The following L2HGDH variants were observed in gnomAD, a reference collection of about 807,000 sequenced individuals.
L2HGDH encodes the protein L-2-hydroxyglutarate dehydrogenase, mitochondrial.
Under a neutral mutation model 51.5 loss-of-function variants are expected in L2HGDH, and 34 were observed. That is an observed-to-expected ratio of 0.66 (90% confidence interval 0.50 to 0.88). The LOEUF is 0.88. Among genes scored for constraint, L2HGDH ranks in the 40% least tolerant of loss-of-function variants. The probability of loss-of-function intolerance (pLI) is 0.00; values close to 1 mark genes in which losing one functional copy is unlikely to be tolerated. For missense variants in L2HGDH, 558 were observed against 571.9 expected, an observed-to-expected ratio of 0.98 and a Z score of 0.25; for synonymous variants, 198 against 197.9, an observed-to-expected ratio of 1.00 and a Z score of -0.01.
chr14:50,288,297 T>A (rs574065291), intron 4 of L2HGDH, among the ~76,000 whole-genome samples: 18 of 152,316 alleles, frequency 1.2e-4, no homozygotes, highest in Middle Eastern at 6.8e-3. Context: ...GCATTGAGCT[T>A]CTGTATTAGA....
intron 9 of L2HGDH, among the ~76,000 whole-genome samples, chr14:50,255,540 AAAAAAAAAAAAAAG>A (rs1221474174): frequency 6.7e-6 from 1 of 149,794 alleles, no homozygotes; most frequent in East Asian, 1.9e-4. Flanking sequence ...CCATCTCCAA[AAAAAAAAAAAAAAG>A]AAAAGAAAAA....
chr14:50,265,170 G>C (rs1417050054), intron 9 of L2HGDH, among the ~76,000 whole-genome samples, 188 bp downstream of exon 9: 1 of 152,218 alleles, frequency 6.6e-6, no homozygotes, highest in Non-Finnish European at 1.5e-5. Context: ...TAAGGGCCAT[G>C]ATGTAGCAAT....
rs1366931802 is a variant in L2HGDH at position 50,290,429 on chromosome 14, C to T, written c.540+3686G>A. Among the ~76,000 whole-genome samples, 9 of 152,150 alleles carry T rather than the reference C, an allele frequency of 5.9e-5. No individual in the cohort carries two copies. The East Asian group carries it at 1.7e-3, about 29-fold the overall frequency. ...TTTGATTAAATTTCCTAAATTAGTACCTTTTGCCTGTCAGCATTCTGCTCA... is the reference window on the plus strand; with the variant it reads ...TTTGATTAAATTTCCTAAATTAGTATCTTTTGCCTGTCAGCATTCTGCTCA... On this transcript the variant is annotated intron_variant, in intron 4 of 9. Transcript: ENST00000267436.
At chr14:50,291,215 A>C (rs1324958650) in intron 4 of L2HGDH, among the ~76,000 whole-genome samples, 6 of 150,574 alleles carry the variant, frequency 4.0e-5, no homozygotes, top group African/African-American at 7.4e-5. Flanking sequence ...AAAAAAAAAA[A>C]AAAAAAAAAC....
intron 1 of L2HGDH, among the ~76,000 whole-genome samples, chr14:50,305,173 G>C (rs532917538): frequency 3.3e-5 from 5 of 152,272 alleles, no homozygotes; most frequent in African/African-American, 1.2e-4. Flanking sequence ...AGTGGATAAA[G>C]TTCCCTCTGT....
At chr14:50,275,150 A>G (rs1666127554) in intron 6 of L2HGDH, among the ~76,000 whole-genome samples, 1 of 152,132 alleles carries the variant, frequency 6.6e-6, no homozygotes, top group African/African-American at 2.4e-5. Flanking sequence ...ATAAATGGTA[A>G]CTATGTGAGG....
chr14:50,250,648 G>A (rs1888291811), intron 9 of L2HGDH, among the ~76,000 whole-genome samples: 1 of 152,198 alleles, frequency 6.6e-6, no homozygotes, highest in Non-Finnish European at 1.5e-5. Context: ...CAGTGGTGGT[G>A]GCCACAGGAG....
intron 4 of L2HGDH, chr14:50,287,448 T>A: frequency 3.3e-6 from 1 of 301,972 alleles, no homozygotes; most frequent in Non-Finnish European, 4.9e-6. Context: ...TGACCAAATC[T>A]ATAATGGGGC....
At chr14:50,306,351 A>AT (rs758123088) in intron 1 of L2HGDH, among the ~76,000 whole-genome samples, 31 of 151,942 alleles carry the variant, frequency 2.0e-4, no homozygotes, top group Admixed American at 5.3e-4. Context: ...GCCCAGCTGT[A>AT]TTTTTTTAAT....
At chr14:50,293,991 A>C in intron 4 of L2HGDH, 124 bp downstream of exon 4, 1 of 1,165,888 alleles carries the variant, frequency 8.6e-7, no homozygotes, top group South Asian at 1.3e-5. Flanking sequence ...CTGTCACTTC[A>C]CTACTTCTGT....
intron 1 of L2HGDH, among the ~76,000 whole-genome samples, chr14:50,309,285 G>A (rs1035703259): frequency 4.6e-5 from 7 of 152,096 alleles, no homozygotes; most frequent in African/African-American, 1.4e-4. Flanking sequence ...ATTTCAGGCC[G>A]GGTGCAGTGG....
intron 4 of L2HGDH, among the ~76,000 whole-genome samples, chr14:50,288,969 T>A (rs545844954): frequency 6.6e-6 from 1 of 152,302 alleles, no homozygotes; most frequent in East Asian, 1.9e-4. Context: ...AGTTTTGTAA[T>A]GCACTGTATA....
At chr14:50,274,237 C>A (rs924423707) in intron 6 of L2HGDH, among the ~76,000 whole-genome samples, 1 of 151,784 alleles carries the variant, frequency 6.6e-6, no homozygotes, top group African/African-American at 2.4e-5. Flanking sequence ...CATGATCATG[C>A]CACTGGACTT....
intron 6 of L2HGDH, among the ~76,000 whole-genome samples, chr14:50,270,223 T>C (rs1368683534): frequency 1.3e-5 from 2 of 152,260 alleles, no homozygotes; most frequent in African/African-American, 4.8e-5. Context: ...TAGGCTGTTA[T>C]GATTTCCTAT....
rs141359429 is a variant in L2HGDH at position 50,282,016 on chromosome 14, A to G, written c.703+1855T>C. On this transcript the variant is annotated intron_variant, in intron 5 of 9. Transcript: ENST00000267436. Reference sequence around the variant, plus strand: ...CCACCATGCCCAGCTAAGTTTTTGTATTTTTAGTAGAGATGGGGTTTCACC... The same window carrying G: ...CCACCATGCCCAGCTAAGTTTTTGTGTTTTTAGTAGAGATGGGGTTTCACC... Among the ~76,000 whole-genome samples, 103 of 152,002 alleles carry G rather than the reference A, an allele frequency of 6.8e-4. 1 individual carries two copies. In the East Asian group the frequency reaches 0.019, roughly 29 times the overall value.
chr14:50,304,861 A>G (rs1204810113), intron 1 of L2HGDH, among the ~76,000 whole-genome samples: 1 of 152,172 alleles, frequency 6.6e-6, no homozygotes, highest in Non-Finnish European at 1.5e-5. Flanking sequence ...ACAACCATGT[A>G]TAATTTATAT....
At chr14:50,280,502 T>A (rs1450941567) in intron 5 of L2HGDH, among the ~76,000 whole-genome samples, 1 of 151,936 alleles carries the variant, frequency 6.6e-6, no homozygotes, top group East Asian at 1.9e-4. Flanking sequence ...CAGCTATCAA[T>A]AAAAAGGATC....
At chr14:50,256,535 T>A (rs1279573163) in intron 9 of L2HGDH, among the ~76,000 whole-genome samples, 1 of 151,238 alleles carries the variant, frequency 6.6e-6, no homozygotes, top group Admixed American at 6.6e-5. Flanking sequence ...AAAAAAAAAA[T>A]TAAAAGCATT....
At chr14:50,298,151 G>A (rs973741051) in intron 3 of L2HGDH, among the ~76,000 whole-genome samples, 2 of 151,330 alleles carry the variant, frequency 1.3e-5, no homozygotes, top group Non-Finnish European at 1.5e-5. Context: ...GGCTGAGGCT[G>A]GAGAATTGCT....
Sources: gnomAD v4.1 joint callset for allele counts (sites outside exome capture counted in the v4.1 genomes callset) on GRCh38, gnomAD v4.1.1 for gene constraint, MANE v1.5 for transcripts, NCBI Gene and HGNC (gene_info 2026-07-23, HGNC 2026-07-21) for gene names.